Variants in ADGRL2 observed in about 807,000 individuals in gnomAD.
ADGRL2 encodes calcium-independent alpha-latrotoxin receptor 2.
A neutral mutation model predicts 157.4 loss-of-function variants in ADGRL2; 44 were observed. The observed-to-expected ratio is 0.28, with a 90% confidence interval of 0.22 to 0.36. The LOEUF is 0.36. Ranked by LOEUF, ADGRL2 falls within the 10% of genes least tolerant of loss-of-function variation. The pLI is 1.00. For missense variants in ADGRL2, 1,510 were observed against 1,768.9 expected (o/e 0.85, Z 2.63); for synonymous variants, 585 against 624.7 (o/e 0.94, Z 0.95).
rs528416413 is a variant in ADGRL2, at chr1:81,812,758, A to G, written c.-101+11690A>G. On this transcript the variant is annotated intron_variant, in intron 1 of 23. Transcript: ENST00000686636. Reference sequence around the variant, plus strand: ...TGCATATGTGCTTTTCTAAACAGAAAAACGATCGCTTTGGCTTAATGACTT... The same window carrying G: ...TGCATATGTGCTTTTCTAAACAGAAGAACGATCGCTTTGGCTTAATGACTT... Among the ~76,000 whole-genome samples the G allele has an allele frequency of 6.6e-5, 10 of 151,962 alleles. No homozygotes were observed. The South Asian group carries it at 2.1e-3, about 31-fold the overall frequency.
At chr1:81,389,603 G>A (rs897465840) in intron 1 of ADGRL2, among the ~76,000 whole-genome samples, 1 of 152,176 alleles carries the variant, frequency 6.6e-6, no homozygotes, top group Non-Finnish European at 1.5e-5. Flanking sequence ...GCCTGGATTG[G>A]GAATGGAGTT....
chr1:81,731,626 G>T (rs2149179389), intron 1 of ADGRL2, among the ~76,000 whole-genome samples: 1 of 152,100 alleles, frequency 6.6e-6, no homozygotes, highest in Non-Finnish European at 1.5e-5. Context: ...GTGTGTATGT[G>T]CTTGCTGCTC....
intron 1 of ADGRL2, among the ~76,000 whole-genome samples, chr1:81,718,461 TAA>T (rs34448377): frequency 4.1e-5 from 6 of 146,924 alleles, no homozygotes; most frequent in Non-Finnish European, 6.0e-5. Context: ...AATGTAGCAT[TAA>T]AAAAAAAAAA....
At chr1:81,616,679 C>CTTT (rs1164087131) in intron 3 of ADGRL2, among the ~76,000 whole-genome samples, 2,048 of 105,884 alleles carry the variant, frequency 0.019, 119 homozygotes, top group African/African-American at 0.073. Context: ...CTTTTCTTTT[C>CTTT]TTTTTTTTTT....
intron 3 of ADGRL2, among the ~76,000 whole-genome samples, chr1:81,673,703 G>A (rs2082923899): frequency 6.6e-6 from 1 of 151,880 alleles, no homozygotes; most frequent in Non-Finnish European, 1.5e-5. Flanking sequence ...TTTTTTAGTA[G>A]AGACAGGGTT....
At chr1:81,376,446 T>C (rs1327762972) in intron 1 of ADGRL2, among the ~76,000 whole-genome samples, 1 of 152,194 alleles carries the variant, frequency 6.6e-6, no homozygotes, top group Non-Finnish European at 1.5e-5. Context: ...AAACCCAAAG[T>C]AATTCCACAC....
At chr1:81,785,918 A>T (rs1461528343) in intron 2 of ADGRL2, among the ~76,000 whole-genome samples, 2 of 151,782 alleles carry the variant, frequency 1.3e-5, no homozygotes, top group African/African-American at 4.8e-5. Flanking sequence ...ACCAGCCTGG[A>T]CAAAATAGAG....
At chr1:81,631,071 T>C (rs2082002071) in intron 3 of ADGRL2, among the ~76,000 whole-genome samples, 1 of 152,192 alleles carries the variant, frequency 6.6e-6, no homozygotes. Context: ...CTCATATTGT[T>C]TTTTTCAAGA....
At chr1:81,973,768 G>A (rs1203732013) in intron 17 of ADGRL2, among the ~76,000 whole-genome samples, 1 of 152,124 alleles carries the variant, frequency 6.6e-6, no homozygotes, top group African/African-American at 2.4e-5. Flanking sequence ...AACCCCAGTA[G>A]GTAGCAATCC....
chr1:81,334,370 A>G (rs960338691), intron 1 of ADGRL2, among the ~76,000 whole-genome samples: 2 of 152,242 alleles, frequency 1.3e-5, no homozygotes, highest in Non-Finnish European at 2.9e-5. Flanking sequence ...ATTAACTACC[A>G]TTATAACCTA....
chr1:81,847,193 A>T (rs138385582), intron 2 of ADGRL2, among the ~76,000 whole-genome samples: 2,095 of 151,942 alleles, frequency 0.014, 39 homozygotes, highest in African/African-American at 0.041. Context: ...AAGATGATGG[A>T]GGTCATGCTG....
intron 3 of ADGRL2, among the ~76,000 whole-genome samples, chr1:81,602,183 G>A (rs2081345562): frequency 6.6e-6 from 1 of 152,248 alleles, no homozygotes; most frequent in Non-Finnish European, 1.5e-5. Context: ...CCAGTGGCCA[G>A]GCACAGTGGC....
chr1:81,314,559 A>T (rs1371040722), intron 1 of ADGRL2, among the ~76,000 whole-genome samples: 3 of 152,244 alleles, frequency 2.0e-5, no homozygotes, highest in Non-Finnish European at 4.4e-5. Context: ...GGTCTGGAAC[A>T]GGATATTCAT....
intron 3 of ADGRL2, among the ~76,000 whole-genome samples, chr1:81,604,185 G>A (rs577490478): frequency 1.3e-5 from 2 of 152,024 alleles, no homozygotes; most frequent in African/African-American, 2.4e-5. Context: ...GGCTGGTTTC[G>A]AACGCCTGAC....
chr1:81,964,720 TGATA>T (rs569659623), intron 11 of ADGRL2, among the ~76,000 whole-genome samples: 419 of 152,220 alleles, frequency 2.8e-3, no homozygotes, highest in African/African-American at 9.6e-3. Flanking sequence ...GGTGAATAGC[TGATA>T]GATGATACAG....
intron 2 of ADGRL2, among the ~76,000 whole-genome samples, chr1:81,549,430 C>T (rs1038503336): frequency 2.4e-4 from 37 of 152,150 alleles, no homozygotes; most frequent in Non-Finnish European, 7.4e-5. Context: ...TTTCAGATTT[C>T]TCACCTGCAG....
chr1:81,606,030 C>T (rs540354510), intron 3 of ADGRL2, among the ~76,000 whole-genome samples: 150 of 152,222 alleles, frequency 9.9e-4, no homozygotes, highest in African/African-American at 3.3e-3. Context: ...CTTTTTTTAA[C>T]AAGTACTACA....
chr1:81,503,080 G>A (rs2078890787), intron 2 of ADGRL2: 1 of 1,609,258 alleles, frequency 6.2e-7, no homozygotes, highest in Non-Finnish European at 8.5e-7. Flanking sequence ...GGAGTCAGGG[G>A]AGCCTGCTGA....
chr1:81,980,206 T>C (rs1203702191), intron 18 of ADGRL2, among the ~76,000 whole-genome samples: 8 of 151,884 alleles, frequency 5.3e-5, no homozygotes, highest in Non-Finnish European at 1.0e-4. Context: ...CATATCACTG[T>C]AGCAATTTCA....
Sources: allele counts gnomAD v4.1 joint callset (sites outside exome capture counted in the v4.1 genomes callset), GRCh38; gene constraint gnomAD v4.1.1; transcripts MANE v1.5; gene names NCBI Gene and HGNC (gene_info 2026-07-23, HGNC 2026-07-21).